The following AKAP12 variants were observed in gnomAD, a reference collection of about 807,000 sequenced individuals.
AKAP12 encodes A-kinase anchor protein 12.
In AKAP12, 32 loss-of-function variants were observed where a neutral mutation model predicts 79.9. The observed-to-expected ratio is 0.40, with a 90% CI of 0.30 to 0.54. AKAP12 has a LOEUF of 0.54. Ranked by LOEUF, AKAP12 falls within the 20% of genes least tolerant of loss-of-function variation. The probability of loss-of-function intolerance (pLI) is 0.48; values close to 1 mark genes in which losing one functional copy is unlikely to be tolerated. For synonymous variants in AKAP12, 808 were observed against 857.0 expected, an observed-to-expected ratio of 0.94 and a Z score of 1.00; for missense variants, 2,074 against 2,177.0, an observed-to-expected ratio of 0.95 and a Z score of 0.94.
At chr6:151,299,216 A>G (rs1776803098) in intron 2 of AKAP12, among the ~76,000 whole-genome samples, 1 of 152,354 alleles carries the variant, frequency 6.6e-6, no homozygotes, top group East Asian at 1.9e-4. Context: ...TGGAGATGAT[A>G]TAAACAGAGG....
intron 3 of AKAP12, among the ~76,000 whole-genome samples, chr6:151,347,473 A>G (rs1218791171): frequency 3.3e-5 from 5 of 152,256 alleles, no homozygotes; most frequent in Admixed American, 2.0e-4. Flanking sequence ...TCCATCTTAC[A>G]TTGCAACAGA....
At chr6:151,299,068 A>G (rs1263586088) in intron 2 of AKAP12, 3 of 152,230 alleles carry the variant, frequency 2.0e-5, no homozygotes, top group East Asian at 1.9e-4. Context: ...TGAAATGGGT[A>G]CATAATGCAT....
chr6:151,353,164 A>G lies in AKAP12; in HGVS notation c.4773A>G (p.Gly1591=). The part of the protein sequence containing the change: ...HVIKADSQDA[G]QETEKEGEEP... ...TAAAAGCTGACAGCCAGGACGCTGG[A>G]CAGGAAACGGAGAAAGAAGGAGAGG... The change falls in exon 4 of 5, where the codon GGA becomes GGG. Residue 1591 remains glycine, a synonymous_variant. Transcript: ENST00000402676. The G allele has an allele frequency of 6.2e-7, 1 of 1,614,206 alleles. No homozygotes were observed. The highest frequency in any genetic ancestry group is 8.5e-7 in the Non-Finnish European group (1 of 1,180,046).
chr6:151,290,693 C>A (rs762544450), intron 2 of AKAP12, among the ~76,000 whole-genome samples: 1 of 152,106 alleles, frequency 6.6e-6, no homozygotes, highest in Middle Eastern at 3.4e-3. Context: ...GCAACCTCTG[C>A]CTCCCAGGTT....
At position 151,305,668 on chromosome 6, in the gene AKAP12, A is replaced by G. The variant is rs1040034132; in HGVS notation, c.163-79A>G. On this transcript the variant is annotated intron_variant, in intron 2 of 4. Transcript: ENST00000402676. The stretch of plus-strand genomic sequence containing the variant: ...TGTATTTCTTCTTTCACTGGTTTGT[A>G]TTCTGGAAGTTAATGCCTTGTTTCT... 5 of 1,365,622 alleles carry G rather than the reference A, an allele frequency of 3.7e-6. No individual in the cohort carries two copies. The African/African-American group carries it at 4.4e-5, about 12-fold the overall frequency. The allele number at this position is 1,365,622 out of a possible 1,614,324, so 84.6% of individuals were successfully genotyped here.
In AKAP12 at chr6:151,332,506, G is replaced by A. The variant is rs58357834; in HGVS notation, c.320-16205G>A. Among the ~76,000 whole-genome samples, 30 of 152,208 alleles carry A rather than the reference G, an allele frequency of 2.0e-4. No individual in the cohort carries two copies. In the East Asian group the frequency reaches 4.2e-3, roughly 22 times the overall value. On this transcript the variant is annotated intron_variant, in intron 3 of 4. Transcript: ENST00000402676. The stretch of plus-strand genomic sequence containing the variant: ...CTGTCTCACACAAGCATGTGATTAG[G>A]TGTCTCCACCCAGAAGAAGGGTATA...
intron 2 of AKAP12, among the ~76,000 whole-genome samples, chr6:151,268,866 A>T (rs539863512): frequency 1.4e-5 from 2 of 142,848 alleles, no homozygotes; most frequent in Non-Finnish European, 3.0e-5. Flanking sequence ...CTGATCTGGG[A>T]CTCCTGTCCT....
chr6:151,341,765 C>T (rs1181390660), intron 3 of AKAP12: 4 of 1,287,338 alleles, frequency 3.1e-6, no homozygotes, highest in South Asian at 1.2e-5. Context: ...ACCAACTGTC[C>T]CTTAGGACCG....
At chr6:151,347,494 C>A (rs1778131137) in intron 3 of AKAP12, among the ~76,000 whole-genome samples, 1 of 152,202 alleles carries the variant, frequency 6.6e-6, no homozygotes, top group Admixed American at 6.5e-5. Context: ...AGATGCACTA[C>A]CTCGTTGACT....
intron 3 of AKAP12, among the ~76,000 whole-genome samples, chr6:151,318,477 GA>G (rs1414981441): frequency 2.6e-5 from 4 of 152,234 alleles, no homozygotes. Flanking sequence ...TATCTTGATA[GA>G]TGTCTGGCCA....
At chr6:151,274,470 TC>T (rs1353812577) in intron 2 of AKAP12, among the ~76,000 whole-genome samples, 1 of 152,068 alleles carries the variant, frequency 6.6e-6, no homozygotes, top group African/African-American at 2.4e-5. Flanking sequence ...AAATTATAGA[TC>T]ATGATTTCGT....
rs533377004 is a variant in AKAP12 at position 151,337,481 on chromosome 6, C to T, written c.320-11230C>T. ...AGTGAGCCGAGATCGCGCCATTGCA[C>T]TCCAGGCTGGGCAATAAGAGTTTCC... On this transcript the variant is annotated intron_variant, in intron 3 of 4. Transcript: ENST00000402676. Among the ~76,000 whole-genome samples the T allele has an allele frequency of 2.2e-5, 3 of 138,286 alleles. No individual in the cohort carries two copies. In the South Asian group the frequency reaches 6.9e-4, roughly 32 times the overall value. The allele number at this position is 138,286 out of a possible 152,430, so 90.7% of individuals were successfully genotyped here.
intron 2 of AKAP12, among the ~76,000 whole-genome samples, chr6:151,290,546 C>T (rs570017434): frequency 2.2e-4 from 34 of 152,228 alleles, no homozygotes; most frequent in African/African-American, 8.2e-4. Flanking sequence ...GACCTCTTAC[C>T]TCTCACAGGC....
Position 151,357,113 on chromosome 6 carries a change from A to C in AKAP12, c.*1399A>C, listed in dbSNP as rs1000405560. 1 of 152,234 alleles carries C rather than the reference A, an allele frequency of 6.6e-6. No homozygotes were observed. Among genetic ancestry groups the C allele is most frequent in the African/African-American group, 2.4e-5 (1 of 41,460 alleles). 9.4% of individuals were successfully genotyped at this position (152,234 alleles called of 1,614,324 possible). On this transcript the variant is annotated 3_prime_UTR_variant, in exon 5 of 5. Transcript: ENST00000402676. ...ATTAATAGTAAAAATGCCTTTCCTG[A>C]AATAATCTTGGAAAATTTTTTAAAT... is the stretch of plus-strand genomic sequence containing the variant.
chr6:151,348,795 C>T lies in AKAP12; in HGVS notation c.404C>T (p.Thr135Ile), dbSNP rs778735090. ...ATKSAVVHDI[T>I]DDGQEETPEI... is the part of the protein sequence containing the mutation. ...AAGTCAGCGGTTGTTCACGACATCA[C>T]AGATGATGGGCAGGAGGAGACACCC... is the stretch of plus-strand genomic sequence containing the variant. Residue 135 changes from threonine to isoleucine, a missense_variant, in exon 4 of 5, where the codon ACA becomes ATA. Physicochemically the swap from Thr to Ile is moderately conservative, Grantham distance 89 (BLOSUM62 -1). Coordinates refer to ENST00000402676, the MANE Select transcript of AKAP12 (RefSeq NM_005100.4). The T allele has an allele frequency of 1.9e-6, 3 of 1,601,444 alleles. No homozygotes were observed. The highest frequency in any genetic ancestry group is 2.6e-6 in the Non-Finnish European group (3 of 1,172,856).
intron 2 of AKAP12, 136 bp downstream of exon 2, chr6:151,240,860 A>G: frequency 1.2e-6 from 1 of 867,542 alleles, no homozygotes; most frequent in Non-Finnish European, 1.5e-6. Flanking sequence ...CAGGAGTGCG[A>G]ACCCCTCTTT....
At chr6:151,320,357 C>T (rs1230235286) in intron 3 of AKAP12, among the ~76,000 whole-genome samples, 1 of 151,930 alleles carries the variant, frequency 6.6e-6, no homozygotes, top group African/African-American at 2.4e-5. Context: ...TGGCCTCAAG[C>T]AATCCTCCCA....
intron 2 of AKAP12, among the ~76,000 whole-genome samples, chr6:151,251,013 G>T (rs866994631): frequency 6.6e-6 from 1 of 152,134 alleles, no homozygotes; most frequent in Non-Finnish European, 1.5e-5. Flanking sequence ...ATGAGGTAAG[G>T]CCTTTCTAGA....
intron 2 of AKAP12, among the ~76,000 whole-genome samples, chr6:151,290,621 T>C (rs1412572922): frequency 2.0e-5 from 3 of 152,020 alleles, no homozygotes; most frequent in Non-Finnish European, 4.4e-5. Flanking sequence ...TTTTTTTTTT[T>C]TGAGATGGAG....
Sources: gnomAD v4.1 joint callset for allele counts (sites outside exome capture counted in the v4.1 genomes callset) on GRCh38, gnomAD v4.1.1 for gene constraint, MANE v1.5 for transcripts, NCBI Gene and HGNC (gene_info 2026-07-23, HGNC 2026-07-21) for gene names.